SLC38A7: variants seen among roughly 807,000 people sequenced by gnomAD.
The protein encoded by SLC38A7 is sodium-coupled neutral amino acid transporter 7.
A neutral mutation model predicts 50.1 loss-of-function variants in SLC38A7; 29 were observed. That is an observed-to-expected ratio of 0.58 (90% CI 0.43 to 0.79). SLC38A7 has a LOEUF of 0.79. Among genes scored for constraint, SLC38A7 ranks in the 30% least tolerant of loss-of-function variants. The pLI, the probability that SLC38A7 is intolerant of heterozygous loss-of-function variation, is 0.00. For synonymous variants in SLC38A7, 244 were observed against 245.9 expected (o/e 0.99, Z 0.07); for missense variants, 483 against 610.6 (o/e 0.79, Z 2.20).
At position 58,671,219 on chromosome 16, in the gene SLC38A7, G is replaced by A. The variant is rs753809055; in HGVS notation, c.1057C>T (p.Arg353Cys). 1.9e-6 allele frequency: 3 copies of A among 1,613,450 alleles called. No individual in the cohort carries two copies. The highest frequency in any genetic ancestry group is 2.5e-6 in the Non-Finnish European group (3 of 1,179,776). ...TCCTCCACTGGCACCCCCTGGTAGC[G>A]CAGCCACAGGCCTTCCACCACCGCC... ...GRAVVEGLWL[R>C]YQGVPVEEDV... The change falls in exon 10 of 12, where the codon CGC becomes TGC. Residue 353 changes from arginine to cysteine, a missense_variant. Physicochemically the swap from Arg to Cys is radical, Grantham distance 180. Coordinates refer to ENST00000219320, the MANE Select transcript of SLC38A7 (RefSeq NM_018231.3).
rs13333634 is a variant in SLC38A7 at position 58,681,036 on chromosome 16, C to T, written c.-115-795G>A. On this transcript the variant is annotated intron_variant, in intron 2 of 11. Coordinates refer to ENST00000219320, the MANE Select transcript of SLC38A7 (RefSeq NM_018231.3). ...TCAGTACTCTCTCATGTGCTAGCAT[C>T]TCACTGGCCACTAGGCTTGCTTTCC... is the stretch of plus-strand genomic sequence containing the variant. Among the ~76,000 whole-genome samples, 548 of 152,322 alleles carry T rather than the reference C, an allele frequency of 3.6e-3. 5 individuals carry two copies. The highest frequency in any genetic ancestry group is 0.013 in the African/African-American group (526 of 41,588).
At chr16:58,671,545 A>T in intron 9 of SLC38A7, 1 of 498,402 alleles carries the variant, frequency 2.0e-6, no homozygotes, top group South Asian at 2.8e-5. Context: ...TCAGGAAAGG[A>T]TCTGGATAGA....
At chr16:58,675,471 T>C (rs2044246783) in intron 8 of SLC38A7, 12 of 320,490 alleles carry the variant, frequency 3.7e-5, no homozygotes, top group Non-Finnish European at 5.5e-5. Flanking sequence ...GCTATCATCA[T>C]GCCACTGCAC....
chr16:58,667,075 T>A lies in SLC38A7; in HGVS notation c.*310A>T, dbSNP rs993275445. 1 of 457,514 alleles carries A rather than the reference T, an allele frequency of 2.2e-6. No homozygotes were observed. The highest frequency in any genetic ancestry group is 3.9e-6 in the Non-Finnish European group (1 of 257,272). The allele number at this position is 457,514 out of a possible 1,614,324, so 28.3% of individuals were successfully genotyped here. A position where few individuals can be genotyped will look rare whatever the true frequency, so the allele number is the denominator to read the frequency against. On this transcript the variant is annotated 3_prime_UTR_variant, in exon 12 of 12. Coordinates refer to ENST00000219320, the MANE Select transcript of SLC38A7 (RefSeq NM_018231.3). The stretch of plus-strand genomic sequence containing the variant: ...TCAGACTGGATTCTTTCTTATGAGA[T>A]CTACCGACTCTCTTCACCCGTGGAT...
At chr16:58,674,538 T>C (rs1467478534) in intron 8 of SLC38A7, among the ~76,000 whole-genome samples, 1 of 152,134 alleles carries the variant, frequency 6.6e-6, no homozygotes, top group African/African-American at 2.4e-5. Flanking sequence ...TGGCCTCCCA[T>C]AGCTGAGATT....
At chr16:58,682,043 G>A (rs1196110146) in intron 2 of SLC38A7, among the ~76,000 whole-genome samples, 1 of 152,114 alleles carries the variant, frequency 6.6e-6, no homozygotes, top group Non-Finnish European at 1.5e-5. Context: ...TGTAATCCCA[G>A]CTGTGCAGGA....
At position 58,680,230 on chromosome 16, in the gene SLC38A7, A is replaced by C. The variant is rs2044361920; in HGVS notation, c.-104T>G. ...ACCTGTTTGGGGCTGTTAGCTTAGG[A>C]CTCTTCTCAACCTAGATGGGACAAA... On this transcript the variant is annotated 5_prime_UTR_variant, in exon 3 of 12. Transcript: ENST00000219320. 7.6e-7 allele frequency: 1 copy of C among 1,314,754 alleles called. No individual in the cohort carries two copies. Among genetic ancestry groups the C allele is most frequent in the Non-Finnish European group, 1.0e-6 (1 of 1,000,846 alleles). 81.4% of individuals were successfully genotyped at this position (1,314,754 alleles called of 1,614,324 possible).
intron 5 of SLC38A7, chr16:58,677,664 G>A: frequency 1.9e-6 from 1 of 515,880 alleles, no homozygotes; most frequent in Non-Finnish European, 3.5e-6. Context: ...AGGAAGTGCT[G>A]GTTCAGCTCC....
Position 58,667,119 on chromosome 16 carries a change from G to T in SLC38A7, c.*266C>A, listed in dbSNP as rs2044051692. 1 of 511,988 alleles carries T rather than the reference G, an allele frequency of 2.0e-6. No individual in the cohort carries two copies. Among genetic ancestry groups the T allele is most frequent in the Admixed American group, 3.4e-5 (1 of 29,156 alleles). The allele number at this position is 511,988 out of a possible 1,614,324, so 31.7% of individuals were successfully genotyped here. A position where few individuals can be genotyped will look rare whatever the true frequency, so the allele number is the denominator to read the frequency against. On this transcript the variant is annotated 3_prime_UTR_variant, in exon 12 of 12. Transcript: ENST00000219320. ...CGTGGATTCCAGGCATGGAGAAGTT[G>T]AGAACTGGGAGAGGAGGAGGGGTCC...
chr16:58,680,264 C>A (rs2044362296), intron 2 of SLC38A7, 23 bp from the exon 3 acceptor site: 1 of 956,176 alleles, frequency 1.0e-6, no homozygotes, highest in Middle Eastern at 3.2e-4. Context: ...AAGGCAGGCA[C>A]TACTGTTATC....
intron 9 of SLC38A7, 129 bp downstream of exon 9, chr16:58,671,967 A>T: frequency 8.6e-7 from 1 of 1,161,274 alleles, no homozygotes; most frequent in Non-Finnish European, 1.2e-6. Context: ...GACCCATCCT[A>T]GGCACCGACT....
Position 58,676,288 on chromosome 16 carries a change from C to T in SLC38A7, c.768+1G>A. On this transcript the variant is annotated splice_donor_variant, in intron 7 of 11. Transcript: ENST00000219320. LOFTEE classifies it high-confidence loss of function. The stretch of plus-strand genomic sequence containing the variant: ...AGGGACCTTGCAACTGGCACTGGCA[C>T]CTGAAATCCGAAGCAGATGGTGGGC... 1 of 1,614,184 alleles carries T rather than the reference C, an allele frequency of 6.2e-7. No homozygotes were observed.
chr16:58,670,272 G>A, intron 10 of SLC38A7, 105 bp from the exon 11 acceptor site: 1 of 1,082,682 alleles, frequency 9.2e-7, no homozygotes. Context: ...AAAGGCCCAT[G>A]TTTACTCTTC....
rs754527675 is a variant in SLC38A7, at chr16:58,678,649, T to C, written c.469+47A>G. ...CCTTTTCCCTCCACCCCAGGATCCC[T>C]GGGGCTGATAAGAAGAGATGGGGTA... On this transcript the variant is annotated intron_variant, in intron 4 of 11. Coordinates refer to ENST00000219320, the MANE Select transcript of SLC38A7 (RefSeq NM_018231.3). This position sits in a 1 kb window ranked among gnomAD's most constrained non-coding sequence, Gnocchi z 4.0. 2 of 1,603,516 alleles carry C rather than the reference T, an allele frequency of 1.2e-6. No homozygotes were observed. The highest frequency in any genetic ancestry group is 1.7e-4 in the Middle Eastern group (1 of 6,024).
rs981350701 is a variant in SLC38A7, at chr16:58,679,039, C to T, written c.271-145G>A. ...AATTTTAAGAGACTGCTAGAGGATG[C>T]CGAGTTGAGATTTTCTTTAAAAACA... is the stretch of plus-strand genomic sequence containing the variant. On this transcript the variant is annotated intron_variant, in intron 3 of 11. Coordinates refer to ENST00000219320, the MANE Select transcript of SLC38A7 (RefSeq NM_018231.3). 1.5e-5 allele frequency: 12 copies of T among 781,640 alleles called. No homozygotes were observed. The African/African-American group carries it at 1.9e-4, about 13-fold the overall frequency. 48.4% of individuals were successfully genotyped at this position (781,640 alleles called of 1,614,324 possible).
chr16:58,672,205 G>T lies in SLC38A7; in HGVS notation c.922C>A (p.Pro308Thr), dbSNP rs775471836. The T allele has an allele frequency of 1.3e-6, 2 of 1,580,796 alleles. No individual in the cohort carries two copies. Among genetic ancestry groups the T allele is most frequent in the East Asian group, 2.3e-5 (1 of 43,174 alleles). ...GFLTFGAAVD[P>T]DVLLSYPSED... ...GAGGGATAGGACAGGAGCACGTCAG[G>T]ATCCACAGCAGCTCCAAAGGTCAGG... The change falls in exon 9 of 12, where the codon CCT becomes ACT. Residue 308 changes from proline (P) to threonine (T), a missense_variant. Pro to Thr is a conservative substitution (Grantham distance 38). Transcript: ENST00000219320.
chr16:58,680,517 C>T (rs1456191897), intron 2 of SLC38A7, among the ~76,000 whole-genome samples: 8 of 152,202 alleles, frequency 5.3e-5, no homozygotes, highest in African/African-American at 1.2e-4. Context: ...GGCCCCGCAT[C>T]GGGCAGGTGT....
intron 8 of SLC38A7, among the ~76,000 whole-genome samples, chr16:58,673,667 T>TA (rs1350107163): frequency 7.0e-6 from 1 of 143,522 alleles, no homozygotes; most frequent in Admixed American, 6.9e-5. Flanking sequence ...CCTGGCCGTT[T>TA]TTTTTTTTTT....
Position 58,671,241 on chromosome 16 carries a change from C to A in SLC38A7, c.1035G>T (p.Ala345=). 1 of 1,613,524 alleles carries A rather than the reference C, an allele frequency of 6.2e-7. No individual in the cohort carries two copies. The highest frequency in any genetic ancestry group is 8.5e-7 in the Non-Finnish European group (1 of 1,179,738). The change falls in exon 10 of 12, where the codon GCG becomes GCT. Residue 345 remains alanine (A), a synonymous_variant. Transcript: ENST00000219320. ...SYPILHFCGR[A]VVEGLWLRYQ... is the part of the protein sequence containing the mutation. Reference sequence around the variant, plus strand: ...AGCGCAGCCACAGGCCTTCCACCACCGCCCTGCCCACATGGAGAAGGGCTT... The same window carrying A: ...AGCGCAGCCACAGGCCTTCCACCACAGCCCTGCCCACATGGAGAAGGGCTT...
Sources: allele counts gnomAD v4.1 joint callset (sites outside exome capture counted in the v4.1 genomes callset), GRCh38; gene constraint gnomAD v4.1.1; non-coding constraint Gnocchi (gnomAD v3.1); transcripts MANE v1.5; gene names NCBI Gene and HGNC (gene_info 2026-07-23, HGNC 2026-07-21).